DNAH11: variants seen among roughly 807,000 people sequenced by gnomAD.
DNAH11 encodes dynein axonemal heavy chain 11.
DNAH11 carries 442 observed loss-of-function variants against 526.0 expected under a neutral mutation model. The ratio of observed to expected loss-of-function variants is 0.84; its 90% CI spans 0.78 to 0.91. The LOEUF is 0.91. DNAH11 is among the 40% of genes least tolerant of loss of function. The pLI is 0.00. For synonymous variants in DNAH11, 2,461 were observed against 1,935.9 expected, an observed-to-expected ratio of 1.27 and a Z score of -7.12; for missense variants, 6,989 against 5,448.7, an observed-to-expected ratio of 1.28 and a Z score of -8.90.
intron 61 of DNAH11, among the ~76,000 whole-genome samples, chr7:21,799,109 A>G (rs1020997458): frequency 6.6e-5 from 10 of 152,158 alleles, no homozygotes; most frequent in African/African-American, 2.2e-4. Context: ...CCTCAAAAAA[A>G]CACCCTTTGA....
chr7:21,866,507 G>C lies in DNAH11; in HGVS notation c.11534G>C (p.Arg3845Pro), dbSNP rs371438607. The change falls in exon 71 of 82, where the codon CGA becomes CCA. Residue 3845 changes from arginine to proline, a missense_variant. Coordinates refer to ENST00000409508, the MANE Select transcript of DNAH11 (RefSeq NM_001277115.2). ...AVMEEFRGIDRDVEGSAKQWR... is the reference protein window; with the variant it reads ...AVMEEFRGIDPDVEGSAKQWR... Reference sequence around the variant, plus strand: ...ATGGAAGAATTTCGAGGCATAGACCGAGATGTGGAAGGATCTGCCAAGCAG... The same window carrying C: ...ATGGAAGAATTTCGAGGCATAGACCCAGATGTGGAAGGATCTGCCAAGCAG... 2.5e-6 allele frequency: 4 copies of C among 1,613,308 alleles called. No homozygotes were observed. The South Asian group carries it at 4.4e-5, about 18-fold the overall frequency.
intron 23 of DNAH11, chr7:21,618,081 C>A (rs1378755745): frequency 4.5e-6 from 1 of 223,474 alleles, no homozygotes; most frequent in East Asian, 9.0e-5. Context: ...CAGGGTGGCC[C>A]TATTACTCAT....
chr7:21,760,180 G>A (rs1460494311), intron 54 of DNAH11, among the ~76,000 whole-genome samples: 1 of 152,190 alleles, frequency 6.6e-6, no homozygotes, highest in African/African-American at 2.4e-5. Context: ...CGAGGTAGAT[G>A]ACATCTGTTG....
At chr7:21,850,224 T>C (rs10271915) in intron 66 of DNAH11, among the ~76,000 whole-genome samples, 28,149 of 151,254 alleles carry the variant, frequency 0.19, 5,676 homozygotes, top group African/African-American at 0.5. Context: ...GGTGTGGTGG[T>C]GGGAGCCTGT....
intron 18 of DNAH11, among the ~76,000 whole-genome samples, chr7:21,604,450 C>T (rs1449509076): frequency 1.3e-5 from 2 of 152,152 alleles, no homozygotes; most frequent in Non-Finnish European, 2.9e-5. Context: ...TGCTCAGAAA[C>T]CTTCATTAAC....
At chr7:21,715,566 A>T (rs1784626755) in intron 42 of DNAH11, among the ~76,000 whole-genome samples, 1 of 152,166 alleles carries the variant, frequency 6.6e-6, no homozygotes, top group Admixed American at 6.5e-5. Context: ...GTAATATAAT[A>T]GTAGTCATGT....
At chr7:21,571,101 C>T (rs1216077678) in intron 7 of DNAH11, among the ~76,000 whole-genome samples, 4 of 152,234 alleles carry the variant, frequency 2.6e-5, no homozygotes, top group African/African-American at 9.6e-5. Flanking sequence ...CATATGCCTT[C>T]CTTAACAGTT....
chr7:21,603,693 A>T (rs1488772838), intron 18 of DNAH11, among the ~76,000 whole-genome samples: 1 of 152,236 alleles, frequency 6.6e-6, no homozygotes, highest in South Asian at 2.1e-4. Flanking sequence ...AGACAGATAC[A>T]TACATAACAA....
intron 54 of DNAH11, 106 bp from the exon 55 acceptor site, chr7:21,765,322 A>G (rs899651620): frequency 2.6e-6 from 4 of 1,521,152 alleles, no homozygotes; most frequent in African/African-American, 1.4e-5. Context: ...GGGTAGTTTA[A>G]TGTCACAGTT....
chr7:21,711,668 G>A (rs372252679), intron 41 of DNAH11, 44 bp from the exon 42 acceptor site: 20 of 1,588,444 alleles, frequency 1.3e-5, no homozygotes, highest in African/African-American at 2.7e-5. Context: ...GGATGTTTGC[G>A]GCATTGCTTT....
chr7:21,897,270 C>T lies in DNAH11; in HGVS notation c.13050-2066C>T, dbSNP rs62445898. ...CTCTATTTCCTGGGTTATAAACCTTCCTGTTTGTTGGATTTGCTGGTGGTT... is the reference window on the plus strand; with the variant it reads ...CTCTATTTCCTGGGTTATAAACCTTTCTGTTTGTTGGATTTGCTGGTGGTT... On this transcript the variant is annotated intron_variant, in intron 79 of 81. Transcript: ENST00000409508. Among the ~76,000 whole-genome samples the T allele has an allele frequency of 8.1e-3, 1,239 of 152,188 alleles. 6 individuals are homozygous for T. Among genetic ancestry groups the T allele is most frequent in the Non-Finnish European group, 0.013 (862 of 67,996 alleles).
intron 74 of DNAH11, among the ~76,000 whole-genome samples, chr7:21,879,742 A>T (rs1460481269): frequency 6.6e-6 from 1 of 152,102 alleles, no homozygotes; most frequent in African/African-American, 2.4e-5. Context: ...GCCATACCTA[A>T]CTCAAGTTTT....
intron 61 of DNAH11, among the ~76,000 whole-genome samples, chr7:21,796,892 T>A (rs1175422418): frequency 6.6e-6 from 1 of 152,132 alleles, no homozygotes; most frequent in African/African-American, 2.4e-5. Flanking sequence ...TGTTAGTTGT[T>A]ATTTTTTTAT....
At position 21,868,923 on chromosome 7, in the gene DNAH11, G is replaced by C. The variant is rs924941599; in HGVS notation, c.11899G>C (p.Gly3967Arg). The C allele has an allele frequency of 1.2e-6, 2 of 1,613,898 alleles. No homozygotes were observed. The highest frequency in any genetic ancestry group is 1.3e-5 in the African/African-American group (1 of 74,932). The change falls in exon 73 of 82, where the codon GGT becomes CGT. Residue 3967 changes from glycine to arginine, a missense_variant. By Grantham distance (125) the Gly-to-Arg change is moderately radical. Coordinates refer to ENST00000409508, the MANE Select transcript of DNAH11 (RefSeq NM_001277115.2). ...ATTCCACAATGTGTCTTTAGGACAA[G>C]GTCAGGAGACGGTGGCAGAAGTGGC... is the stretch of plus-strand genomic sequence containing the variant. ...GKFHNVSLGQ[G>R]QETVAEVALE...
At chr7:21,757,788 G>A (rs1441355206) in intron 54 of DNAH11, among the ~76,000 whole-genome samples, 1 of 152,172 alleles carries the variant, frequency 6.6e-6, no homozygotes. Flanking sequence ...TTGTATGCAA[G>A]CAACAGATTA....
At chr7:21,653,780 C>T (rs1444927181) in intron 28 of DNAH11, among the ~76,000 whole-genome samples, 2 of 152,148 alleles carry the variant, frequency 1.3e-5, no homozygotes, top group African/African-American at 2.4e-5. Flanking sequence ...ATTTGAAACT[C>T]GGAGGACTTC....
chr7:21,583,428 A>G (rs1784381593), intron 9 of DNAH11, among the ~76,000 whole-genome samples: 1 of 151,980 alleles, frequency 6.6e-6, no homozygotes. Flanking sequence ...ACCTTATAGA[A>G]AAATTAAGAT....
intron 30 of DNAH11, among the ~76,000 whole-genome samples, chr7:21,669,020 G>A (rs775728776): frequency 2.1e-4 from 32 of 152,126 alleles, no homozygotes; most frequent in Non-Finnish European, 3.8e-4. Context: ...CATTTCAGTG[G>A]ATATAAAATA....
chr7:21,856,634 A>G (rs1285096199), intron 68 of DNAH11, among the ~76,000 whole-genome samples: 1 of 152,244 alleles, frequency 6.6e-6, no homozygotes, highest in Non-Finnish European at 1.5e-5. Flanking sequence ...ACAATGTATC[A>G]TGACCAAGTG....
Sources: gnomAD v4.1 joint callset for allele counts (sites outside exome capture counted in the v4.1 genomes callset) on GRCh38, gnomAD v4.1.1 for gene constraint, MANE v1.5 for transcripts, NCBI Gene and HGNC (gene_info 2026-07-23, HGNC 2026-07-21) for gene names.